The following NAA38 variants were observed in gnomAD, a reference collection of about 807,000 sequenced individuals.
The protein encoded by NAA38 is LSM domain containing 1.
NAA38 carries 15 observed loss-of-function variants against 12.6 expected under a neutral mutation model. That is an observed-to-expected ratio of 1.19 (90% CI 0.79 to 1.83). The LOEUF is 1.83. Among genes scored for constraint, NAA38 ranks in the 40% most tolerant of loss-of-function variants. The pLI is 0.00. For missense variants in NAA38, 183 were observed against 171.7 expected (o/e 1.07, Z -0.37); for synonymous variants, 88 against 69.9 (o/e 1.26, Z -1.29).
intron 2 of NAA38, among the ~76,000 whole-genome samples, chr17:7,873,080 A>G (rs569747612): frequency 6.6e-6 from 1 of 152,310 alleles, no homozygotes; most frequent in Admixed American, 6.5e-5. Context: ...GGGTAATTCC[A>G]TTGACTTGGT....
chr17:7,877,546 T>C (rs544183549), intron 2 of NAA38, among the ~76,000 whole-genome samples: 1 of 152,276 alleles, frequency 6.6e-6, no homozygotes, highest in East Asian at 1.9e-4. Flanking sequence ...AACTGCTGTG[T>C]AGTTTGTTTA....
At chr17:7,858,732 C>T, upstream of NAA38, 3 of 1,606,812 alleles carry the variant, frequency 1.9e-6, no homozygotes, top group Non-Finnish European at 2.6e-6. Flanking sequence ...GCCCTGGTGG[C>T]AGGGGTCGTA....
chr17:7,857,896 G>C (rs1327308187), upstream of NAA38: 2 of 1,404,264 alleles, frequency 1.4e-6, no homozygotes, highest in African/African-American at 2.9e-5. Context: ...TCAATTACTT[G>C]ATCCTTATAT....
intron 2 of NAA38, among the ~76,000 whole-genome samples, chr17:7,869,513 G>A (rs1450839821): frequency 1.3e-5 from 2 of 152,162 alleles, no homozygotes; most frequent in East Asian, 3.8e-4. Context: ...TATAATCCCA[G>A]CACTTTCGGA....
At chr17:7,858,050 C>G, upstream of NAA38, 1 of 1,562,280 alleles carries the variant, frequency 6.4e-7, no homozygotes. Flanking sequence ...GGCTCCCGGA[C>G]GCGACGGAGG....
rs1967190179 is a variant in NAA38, at chr17:7,877,245, G to T, written c.-66+5990C>A. 3.3e-5 allele frequency among the ~76,000 whole-genome samples: 5 copies of T among 151,980 alleles called. No homozygotes were observed. In the South Asian group the frequency reaches 1.0e-3, roughly 32 times the overall value. ...CAATCCCCCTTGACTATTTTTTCCT[G>T]AAAGTAACCAATGTTACCAGTTTGG... On this transcript the variant is annotated intron_variant, in intron 2 of 4. Transcript: ENST00000576861.
chr17:7,859,166 G>A (rs2078862682), upstream of NAA38: 1 of 600,908 alleles, frequency 1.7e-6, no homozygotes, highest in Admixed American at 3.0e-5. Context: ...GGGGACAGTT[G>A]ACCCTTTATG....
At chr17:7,885,110 C>A (rs1018360899) in intron 1 of NAA38, 3 of 983,224 alleles carry the variant, frequency 3.1e-6, no homozygotes, top group African/African-American at 1.8e-5. Context: ...ACTCCCCCCC[C>A]AAGCCCGAGT....
At chr17:7,883,430 T>C (rs1198343633) in intron 1 of NAA38, 1 of 152,196 alleles carries the variant, frequency 6.6e-6, no homozygotes, top group Non-Finnish European at 1.5e-5. Flanking sequence ...CCCAAATTAA[T>C]TTCTCAAGTC....
chr17:7,873,336 A>C (rs575706810), intron 2 of NAA38, among the ~76,000 whole-genome samples: 1 of 152,248 alleles, frequency 6.6e-6, no homozygotes, highest in Non-Finnish European at 1.5e-5. Context: ...CTTTTTTTCA[A>C]AAAGGGGGTG....
At chr17:7,867,328 T>G (rs1967005300) in intron 2 of NAA38, among the ~76,000 whole-genome samples, 1 of 141,766 alleles carries the variant, frequency 7.1e-6, no homozygotes, top group African/African-American at 2.7e-5. Flanking sequence ...TGTACAGAGT[T>G]AAGTGTTTTA....
chr17:7,876,901 C>T (rs1967184152), intron 2 of NAA38, among the ~76,000 whole-genome samples: 1 of 152,058 alleles, frequency 6.6e-6, no homozygotes, highest in South Asian at 2.1e-4. Flanking sequence ...TTTTTTCTTT[C>T]ATAAATGTTA....
At chr17:7,884,681 G>A in intron 1 of NAA38, 1 of 397,248 alleles carries the variant, frequency 2.5e-6, no homozygotes, top group Non-Finnish European at 4.5e-6. Context: ...TGAGGAGGAG[G>A]AGGACGCCGC....
At chr17:7,869,475 T>C (rs1013187231) in intron 2 of NAA38, among the ~76,000 whole-genome samples, 1 of 152,186 alleles carries the variant, frequency 6.6e-6, no homozygotes, top group African/African-American at 2.4e-5. Context: ...ATAAAAATGA[T>C]GCTCAGTCGA....
At chr17:7,881,081 A>AAGC (rs1241339170) in intron 2 of NAA38, among the ~76,000 whole-genome samples, 5 of 152,196 alleles carry the variant, frequency 3.3e-5, no homozygotes, top group Non-Finnish European at 7.3e-5. Flanking sequence ...GCAAGCAAGC[A>AAGC]AAAAGACTTG....
chr17:7,881,534 G>C (rs147672718), intron 2 of NAA38, among the ~76,000 whole-genome samples: 1 of 151,954 alleles, frequency 6.6e-6, no homozygotes, highest in African/African-American at 2.4e-5. Flanking sequence ...GAGGTTTAGG[G>C]GAGAGAGACT....
chr17:7,868,965 C>T (rs533104768), intron 2 of NAA38, among the ~76,000 whole-genome samples: 1 of 152,320 alleles, frequency 6.6e-6, no homozygotes, highest in South Asian at 2.1e-4. Flanking sequence ...ATGGGGCCAA[C>T]TACTGGGAGA....
In NAA38 at chr17:7,872,989, CTAT is replaced by C. The variant is rs569505024; in HGVS notation, c.-65-6434_-65-6432del. Among the ~76,000 whole-genome samples the C allele has an allele frequency of 5.1e-4, 77 of 152,204 alleles. 2 individuals are homozygous for C. The East Asian group carries it at 0.014, about 27-fold the overall frequency. On this transcript the variant is annotated intron_variant, in intron 2 of 4. Transcript: ENST00000576861. ...ATATGGTAGCACATAGGAGGAGCAC[CTAT>C]TATAAGCTTGGAGAGTCAGGGGAGT...
upstream of NAA38, chr17:7,859,637 A>T: frequency 6.2e-7 from 1 of 1,605,898 alleles, no homozygotes; most frequent in Non-Finnish European, 8.5e-7. Flanking sequence ...ACTCGTGTAG[A>T]CTCAAGACGT....
Sources: gnomAD v4.1 joint callset for allele counts (sites outside exome capture counted in the v4.1 genomes callset) on GRCh38, gnomAD v4.1.1 for gene constraint, MANE v1.5 for transcripts, NCBI Gene and HGNC (gene_info 2026-07-23, HGNC 2026-07-21) for gene names.